Variants in USP13 observed in about 807,000 individuals in gnomAD.
The protein encoded by USP13 is ubiquitin carboxyl-terminal hydrolase 13.
In USP13, 68 loss-of-function variants were observed where a neutral mutation model predicts 107.8. The observed-to-expected ratio is 0.63, with a 90% CI of 0.52 to 0.77. The LOEUF is 0.77. Ranked by LOEUF, USP13 falls within the 30% of genes least tolerant of loss-of-function variation. The pLI is 0.00. For missense variants in USP13, 945 were observed against 1,093.3 expected (o/e 0.86, Z 1.91); for synonymous variants, 377 against 389.5 (o/e 0.97, Z 0.38).
At chr3:179,665,029 G>C (rs1720547892) in intron 1 of USP13, among the ~76,000 whole-genome samples, 1 of 152,156 alleles carries the variant, frequency 6.6e-6, no homozygotes, top group Non-Finnish European at 1.5e-5. Context: ...CGGAGGTGCA[G>C]TGAGCCAAGA....
chr3:179,694,117 G>C (rs1712203810), intron 3 of USP13, among the ~76,000 whole-genome samples: 1 of 151,900 alleles, frequency 6.6e-6, no homozygotes, highest in African/African-American at 2.4e-5. Flanking sequence ...GGGACCACAG[G>C]CATGCGCCAC....
At chr3:179,676,036 C>T (rs1720883673) in intron 1 of USP13, among the ~76,000 whole-genome samples, 1 of 152,076 alleles carries the variant, frequency 6.6e-6, no homozygotes, top group Non-Finnish European at 1.5e-5. Context: ...GGTTGGTAAC[C>T]CCCATCCTGT....
At chr3:179,659,054 T>C (rs1720376286) in intron 1 of USP13, among the ~76,000 whole-genome samples, 1 of 152,282 alleles carries the variant, frequency 6.6e-6, no homozygotes, top group Non-Finnish European at 1.5e-5. Context: ...ATTGGGACTG[T>C]TTTTTAAGAA....
At chr3:179,683,154 C>T (rs1044848041) in intron 2 of USP13, among the ~76,000 whole-genome samples, 1 of 146,802 alleles carries the variant, frequency 6.8e-6, no homozygotes, top group South Asian at 2.2e-4. Context: ...GTTATTTTTA[C>T]ATTCTGGATA....
intron 16 of USP13, among the ~76,000 whole-genome samples, chr3:179,758,089 A>T (rs1038962895): frequency 6.6e-6 from 1 of 152,172 alleles, no homozygotes; most frequent in African/African-American, 2.4e-5. Context: ...TACTTTTTAT[A>T]AAAAAGGTCC....
chr3:179,667,439 A>G (rs921400025), intron 1 of USP13, among the ~76,000 whole-genome samples: 2 of 152,234 alleles, frequency 1.3e-5, no homozygotes, highest in Admixed American at 1.3e-4. Context: ...TAAAAGGTGT[A>G]CTGTTGACAA....
intron 2 of USP13, among the ~76,000 whole-genome samples, chr3:179,684,198 A>G (rs1014251783): frequency 6.7e-6 from 1 of 149,916 alleles, no homozygotes; most frequent in African/African-American, 2.5e-5. Context: ...CGACCTCATG[A>G]TCCGCCCCCT....
chr3:179,730,710 G>T lies in USP13; in HGVS notation c.1254+1G>T, dbSNP rs775316973. 6 of 1,613,708 alleles carry T rather than the reference G, an allele frequency of 3.7e-6. No homozygotes were observed. Among genetic ancestry groups the T allele is most frequent in the Non-Finnish European group, 4.2e-6 (5 of 1,179,772 alleles). The stretch of plus-strand genomic sequence containing the variant: ...ACAGGTGATGAAGGAGGAGCACAAG[G>T]TATGTGTCCGAGCGTTTGCCATGTT... On this transcript the variant is annotated splice_donor_variant, in intron 10 of 20. Coordinates refer to ENST00000263966, the MANE Select transcript of USP13 (RefSeq NM_003940.3). LOFTEE classifies it high-confidence loss of function.
chr3:179,753,052 G>GTGT (rs1195733731), intron 14 of USP13, among the ~76,000 whole-genome samples: 13 of 152,178 alleles, frequency 8.5e-5, no homozygotes, highest in African/African-American at 3.1e-4. Flanking sequence ...AATACAAAGG[G>GTGT]TGTTACTAGG....
chr3:179,671,769 T>C (rs1720755484), intron 1 of USP13, among the ~76,000 whole-genome samples: 1 of 152,164 alleles, frequency 6.6e-6, no homozygotes, highest in Non-Finnish European at 1.5e-5. Context: ...TTTGAGTCGA[T>C]GTTCTAGAAA....
At chr3:179,717,149 A>G (rs1457131152) in intron 6 of USP13, among the ~76,000 whole-genome samples, 1 of 152,086 alleles carries the variant, frequency 6.6e-6, no homozygotes, top group Admixed American at 6.5e-5. Flanking sequence ...CCTATTTACT[A>G]CCATAGTTTC....
At chr3:179,659,776 C>T (rs1720402515) in intron 1 of USP13, among the ~76,000 whole-genome samples, 1 of 152,162 alleles carries the variant, frequency 6.6e-6, no homozygotes, top group Non-Finnish European at 1.5e-5. Flanking sequence ...CGGTGGCTCA[C>T]ACCTGTAATC....
chr3:179,678,320 C>T lies in USP13; in HGVS notation c.169-3558C>T, dbSNP rs923379484. Among the ~76,000 whole-genome samples, 4 of 152,094 alleles carry T rather than the reference C, an allele frequency of 2.6e-5. No homozygotes were observed. Among genetic ancestry groups the T allele is most frequent in the Non-Finnish European group, 5.9e-5 (4 of 68,022 alleles). On this transcript the variant is annotated intron_variant, in intron 1 of 20. Coordinates refer to ENST00000263966, the MANE Select transcript of USP13 (RefSeq NM_003940.3). The surrounding 1 kb of genome is among the most constrained non-coding windows in gnomAD (Gnocchi z 4.2). ...CCAAAGAACATGTTTATTTAGAAAA[C>T]TCTTGAAAATACTTACCTAATCTGT...
intron 1 of USP13, among the ~76,000 whole-genome samples, chr3:179,673,899 G>A (rs1560043931): frequency 6.6e-6 from 1 of 152,048 alleles, no homozygotes; most frequent in African/African-American, 2.4e-5. Context: ...TCTTTCTTTC[G>A]TTTTTTTCTT....
chr3:179,757,148 G>A lies in USP13; in HGVS notation c.1948+70G>A. ...TAATCTGATGAATTTGTCTGTGAAAGTTCAGTAAAGAGGCATTGTTCTGTA... is the reference window on the plus strand; with the variant it reads ...TAATCTGATGAATTTGTCTGTGAAAATTCAGTAAAGAGGCATTGTTCTGTA... On this transcript the variant is annotated intron_variant, in intron 16 of 20. Transcript: ENST00000263966. 5 of 1,552,404 alleles carry A rather than the reference G, an allele frequency of 3.2e-6. No homozygotes were observed. In the East Asian group the frequency reaches 1.1e-4, roughly 35 times the overall value.
intron 6 of USP13, 47 bp from the exon 7 acceptor site, chr3:179,719,893 G>T (rs749034100): frequency 1.8e-5 from 27 of 1,526,116 alleles, no homozygotes; most frequent in Non-Finnish European, 1.8e-6. Flanking sequence ...TGGATATTCA[G>T]TGACTTGATT....
intron 1 of USP13, among the ~76,000 whole-genome samples, chr3:179,668,291 T>C (rs112553007): frequency 1.1e-3 from 167 of 152,296 alleles, no homozygotes; most frequent in African/African-American, 3.8e-3. Flanking sequence ...TGCACCACCA[T>C]GCCTGCTGCT....
chr3:179,711,039 C>T (rs1712904491), intron 6 of USP13, among the ~76,000 whole-genome samples: 1 of 152,294 alleles, frequency 6.6e-6, no homozygotes, highest in South Asian at 2.1e-4. Context: ...CTACTGCAGA[C>T]TATAAACACC....
intron 18 of USP13, among the ~76,000 whole-genome samples, 157 bp downstream of exon 18, chr3:179,764,325 T>C (rs1210121119): frequency 6.6e-6 from 1 of 152,188 alleles, no homozygotes; most frequent in Non-Finnish European, 1.5e-5. Flanking sequence ...TTTATTTGCA[T>C]ATTATAAATA....
Sources: gnomAD v4.1 joint callset for allele counts (sites outside exome capture counted in the v4.1 genomes callset) on GRCh38, gnomAD v4.1.1 for gene constraint, Gnocchi (gnomAD v3.1) non-coding constraint, MANE v1.5 for transcripts, NCBI Gene and HGNC (gene_info 2026-07-23, HGNC 2026-07-21) for gene names.